LPP: variants seen among roughly 807,000 people sequenced by gnomAD.
The protein encoded by LPP is lipoma-preferred partner.
A neutral mutation model predicts 60.4 loss-of-function variants in LPP; 38 were observed. That is an observed-to-expected ratio of 0.63 (90% confidence interval 0.49 to 0.83). LPP has a LOEUF of 0.83. Among genes scored for constraint, LPP ranks in the 40% least tolerant of loss-of-function variants. LPP has a pLI of 0.00. For synonymous variants in LPP, 328 were observed against 290.8 expected (o/e 1.13, Z -1.30); for missense variants, 902 against 783.6 (o/e 1.15, Z -1.80).
At chr3:188,355,245 G>T (rs1767245334) in intron 3 of LPP, among the ~76,000 whole-genome samples, 1 of 152,160 alleles carries the variant, frequency 6.6e-6, no homozygotes, top group South Asian at 2.1e-4. Flanking sequence ...CTGACCTTGT[G>T]TTCTACCCGC....
At chr3:188,469,478 T>G (rs1801270356) in intron 4 of LPP, among the ~76,000 whole-genome samples, 1 of 152,068 alleles carries the variant, frequency 6.6e-6, no homozygotes, top group African/African-American at 2.4e-5. Flanking sequence ...AGTTTGTCCA[T>G]TAAAGAAAAA....
chr3:188,483,444 G>A (rs1167197380), intron 4 of LPP, among the ~76,000 whole-genome samples: 1 of 151,990 alleles, frequency 6.6e-6, no homozygotes, highest in Non-Finnish European at 1.5e-5. Flanking sequence ...TAAAATGCAA[G>A]GAAAGGCTAC....
chr3:188,734,148 C>A (rs1007088741), intron 8 of LPP, among the ~76,000 whole-genome samples: 6 of 152,092 alleles, frequency 3.9e-5, no homozygotes, highest in African/African-American at 1.4e-4. Context: ...CTTCTGTTTA[C>A]TAATAAAAAG....
chr3:188,752,390 C>T (rs988932404), intron 8 of LPP, among the ~76,000 whole-genome samples: 3 of 152,174 alleles, frequency 2.0e-5, no homozygotes, highest in African/African-American at 7.2e-5. Flanking sequence ...CTTGTCTAGG[C>T]TGCCAATAGC....
At chr3:188,384,361 T>A (rs1031959250) in intron 3 of LPP, among the ~76,000 whole-genome samples, 1 of 152,052 alleles carries the variant, frequency 6.6e-6, no homozygotes, top group East Asian at 1.9e-4. Context: ...TGTGTATAGA[T>A]CTACATACAT....
At chr3:188,460,423 CA>C (rs1341724520) in intron 4 of LPP, among the ~76,000 whole-genome samples, 3 of 152,098 alleles carry the variant, frequency 2.0e-5, no homozygotes, top group Admixed American at 2.0e-4. Flanking sequence ...ATATTTCATC[CA>C]GGAGAAGTTG....
At chr3:188,265,432 T>C (rs2149727996) in intron 2 of LPP, among the ~76,000 whole-genome samples, 1 of 152,240 alleles carries the variant, frequency 6.6e-6, no homozygotes, top group South Asian at 2.1e-4. Flanking sequence ...GACTGGTGTC[T>C]GGGGAAGGGA....
At chr3:188,573,544 TC>T (rs1415485883) in intron 6 of LPP, among the ~76,000 whole-genome samples, 4 of 152,112 alleles carry the variant, frequency 2.6e-5, no homozygotes, top group Middle Eastern at 3.2e-3. Context: ...GGTAGATACT[TC>T]CTCCTTTGAC....
In LPP at chr3:188,447,892, A is replaced by G. The variant is rs550129767; in HGVS notation, c.194-36700A>G. Among the ~76,000 whole-genome samples, 26 of 152,202 alleles carry G rather than the reference A, an allele frequency of 1.7e-4. No individual in the cohort carries two copies. The East Asian group carries it at 4.8e-3, about 28-fold the overall frequency. On this transcript the variant is annotated intron_variant, in intron 4 of 11. Transcript: ENST00000617246. The stretch of plus-strand genomic sequence containing the variant: ...TGCTATTTCTATTTTGTTTACTACC[A>G]TTTACTCTCATTTGATTGTGTCAAA...
rs1451343413 is a variant in LPP at position 188,875,539 on chromosome 3, T to G, written c.*1060T>G. The G allele has an allele frequency of 9.4e-6, 2 of 212,432 alleles. No homozygotes were observed. Among genetic ancestry groups the G allele is most frequent in the Non-Finnish European group, 1.9e-5 (2 of 104,736 alleles). 13.2% of individuals were successfully genotyped at this position (212,432 alleles called of 1,614,324 possible). A position where few individuals can be genotyped will look rare whatever the true frequency, so the allele number is the denominator to read the frequency against. On this transcript the variant is annotated 3_prime_UTR_variant, in exon 12 of 12. Transcript: ENST00000617246. ...CAAATCAGAGCATACAAAATAAAAC[T>G]GTGCAGTTTTGTTTGGTTTACTTTC...
chr3:188,381,061 C>G (rs1269288669), intron 3 of LPP, among the ~76,000 whole-genome samples: 4 of 152,124 alleles, frequency 2.6e-5, no homozygotes, highest in Non-Finnish European at 4.4e-5. Context: ...TCTAGTTTAC[C>G]TTTTATAGGC....
intron 4 of LPP, among the ~76,000 whole-genome samples, chr3:188,424,874 A>G (rs777046504): frequency 3.9e-5 from 6 of 152,210 alleles, no homozygotes; most frequent in Non-Finnish European, 7.3e-5. Context: ...TAAATATGCA[A>G]TCATGTCATC....
intron 4 of LPP, among the ~76,000 whole-genome samples, chr3:188,457,040 A>G (rs1797886415): frequency 6.6e-6 from 1 of 152,212 alleles, no homozygotes; most frequent in South Asian, 2.1e-4. Context: ...AGAATTTTAC[A>G]TCTGTAAGAT....
At chr3:188,542,537 A>G (rs763015142) in intron 6 of LPP, among the ~76,000 whole-genome samples, 1 of 152,188 alleles carries the variant, frequency 6.6e-6, no homozygotes, top group Non-Finnish European at 1.5e-5. Flanking sequence ...AAAGTAAACA[A>G]TTAAGAAGCT....
At chr3:188,820,273 G>A (rs1018109956) in intron 9 of LPP, among the ~76,000 whole-genome samples, 1 of 125,744 alleles carries the variant, frequency 8.0e-6, no homozygotes, top group Non-Finnish European at 1.6e-5. Flanking sequence ...ACTGGTGTTT[G>A]TGTGTGTGTG....
chr3:188,183,844 T>C (rs772014567), intron 1 of LPP, among the ~76,000 whole-genome samples: 2 of 152,174 alleles, frequency 1.3e-5, no homozygotes, highest in East Asian at 1.9e-4. Context: ...ATGACCTTAA[T>C]TGTCGTACTA....
chr3:188,810,269 T>G (rs186149826), intron 9 of LPP, among the ~76,000 whole-genome samples: 23 of 152,286 alleles, frequency 1.5e-4, no homozygotes, highest in African/African-American at 5.5e-4. Context: ...CTTAGTGTTC[T>G]GCAAGTGTTC....
rs989879327 is a variant in LPP, at chr3:188,572,003, C to T, written c.430-37158C>T. Reference sequence around the variant, plus strand: ...ATCTGCTGTCTATGGAGATTAGTGACTTGGAAGAAAATCCTGGAGTCAATA... The same window carrying T: ...ATCTGCTGTCTATGGAGATTAGTGATTTGGAAGAAAATCCTGGAGTCAATA... On this transcript the variant is annotated intron_variant, in intron 6 of 11. Coordinates refer to ENST00000617246, the MANE Select transcript of LPP (RefSeq NM_001375462.1). This position sits in a 1 kb window ranked among gnomAD's most constrained non-coding sequence, Gnocchi z 4.1. Among the ~76,000 whole-genome samples the T allele has an allele frequency of 4.6e-5, 7 of 152,016 alleles. No homozygotes were observed. The highest frequency in any genetic ancestry group is 1.7e-4 in the African/African-American group (7 of 41,410).
intron 3 of LPP, among the ~76,000 whole-genome samples, chr3:188,355,535 T>C (rs1767345673): frequency 6.6e-6 from 1 of 152,160 alleles, no homozygotes; most frequent in Non-Finnish European, 1.5e-5. Context: ...ATAGCCTGTT[T>C]ACATACTGGC....
Sources: gnomAD v4.1 joint callset for allele counts (sites outside exome capture counted in the v4.1 genomes callset) on GRCh38, gnomAD v4.1.1 for gene constraint, Gnocchi (gnomAD v3.1) non-coding constraint, MANE v1.5 for transcripts, NCBI Gene and HGNC (gene_info 2026-07-23, HGNC 2026-07-21) for gene names.